TMEM61: variants seen among roughly 807,000 people sequenced by gnomAD.
TMEM61 encodes transmembrane protein 61.
TMEM61 carries 13 observed loss-of-function variants against 12.0 expected under a neutral mutation model. The observed-to-expected ratio is 1.08, with a 90% CI of 0.70 to 1.72. TMEM61 has a LOEUF of 1.72. Among genes scored for constraint, TMEM61 ranks in the 40% most tolerant of loss-of-function variants. TMEM61 has a pLI of 0.00. For missense variants in TMEM61, 249 were observed against 276.9 expected (o/e 0.90, Z 0.71); for synonymous variants, 109 against 121.4 (o/e 0.90, Z 0.67).
chr1:54,981,075 C>A lies in TMEM61; in HGVS notation c.10C>A (p.Pro4Thr). The A allele has an allele frequency of 6.3e-7, 1 of 1,587,926 alleles. No homozygotes were observed. Among genetic ancestry groups the A allele is most frequent in the Admixed American group, 1.8e-5 (1 of 56,994 alleles). Residue 4 changes from proline to threonine, a missense_variant, in exon 1 of 3, where the codon CCC becomes ACC. Coordinates refer to ENST00000371268, the MANE Select transcript of TMEM61 (RefSeq NM_182532.3). ...TGCTGCCCGCCTCCCGATGGCCCTG[C>A]CCCAGGTGGGTGGAAACGGCCTTCT... MAL[P>T]QMCDGSHLAS...
rs1263466288 is a variant in TMEM61 at position 54,991,901 on chromosome 1, C to A, written c.431C>A (p.Pro144His). The A allele has an allele frequency of 1.9e-6, 3 of 1,614,176 alleles. No homozygotes were observed. Among genetic ancestry groups the A allele is most frequent in the Non-Finnish European group, 1.7e-6 (2 of 1,180,028 alleles). Residue 144 changes from proline to histidine, a missense_variant, in exon 3 of 3, where the codon CCC becomes CAC. Transcript: ENST00000371268. ...GTGAGCTTCCCAGTGGCCGAGGGGCCCCCAACACCACCTGCATACCCTACG... is the reference window on the plus strand; with the variant it reads ...GTGAGCTTCCCAGTGGCCGAGGGGCACCCAACACCACCTGCATACCCTACG... ...EAVSFPVAEGPPTPPAYPTEE... is the reference protein window; with the variant it reads ...EAVSFPVAEGHPTPPAYPTEE...
At chr1:54,990,089 T>A (rs1161152817) in intron 2 of TMEM61, among the ~76,000 whole-genome samples, 2 of 152,096 alleles carry the variant, frequency 1.3e-5, no homozygotes, top group Non-Finnish European at 2.9e-5. Flanking sequence ...GGAGGAATAT[T>A]CTCTGTCCTG....
At position 54,983,109 on chromosome 1, in the gene TMEM61, G is replaced by GTTTTTTTTTTTTTTTTTTTTT. The variant is rs780127208; in HGVS notation, c.15+2041_15+2042insTTTTTTTTTTTTTTTTTTTTT. Among the ~76,000 whole-genome samples, 7 of 109,542 alleles carry GTTTTTTTTTTTTTTTTTTTTT rather than the reference G, an allele frequency of 6.4e-5. 1 individual carries two copies. Among genetic ancestry groups the GTTTTTTTTTTTTTTTTTTTTT allele is most frequent in the South Asian group, 3.1e-4 (1 of 3,262 alleles). The allele number at this position is 109,542 out of a possible 152,430, so 71.9% of individuals were successfully genotyped here. On this transcript the variant is annotated intron_variant, in intron 1 of 2. Coordinates refer to ENST00000371268, the MANE Select transcript of TMEM61 (RefSeq NM_182532.3). ...TTAGTGGTGATTTGTGTTTTGCTTTGTTTTTTTTTTTTGTTTTTTTTTGAG... is the reference window on the plus strand; with the variant it reads ...TTAGTGGTGATTTGTGTTTTGCTTTGTTTTTTTTTTTTTTTTTTTTTTTTTTTTTTTTTGTTTTTTTTTGAG...
chr1:54,986,573 C>T, intron 2 of TMEM61, 127 bp downstream of exon 2: 6 of 847,900 alleles, frequency 7.1e-6, no homozygotes, highest in Non-Finnish European at 9.0e-6. Context: ...CAGGCTTTGC[C>T]CTGTGTCCTG....
At chr1:54,985,362 G>C (rs547570681) in intron 1 of TMEM61, among the ~76,000 whole-genome samples, 1 of 152,072 alleles carries the variant, frequency 6.6e-6, no homozygotes, top group Non-Finnish European at 1.5e-5. Context: ...TCAGCCTCCC[G>C]AGTAGCTGGG....
Position 54,992,014 on chromosome 1 carries a change from C to G in TMEM61, c.544C>G (p.Leu182Val), listed in dbSNP as rs200157923. 84 of 1,614,140 alleles carry G rather than the reference C, an allele frequency of 5.2e-5. No individual in the cohort carries two copies. The African/African-American group carries it at 1.0e-3, about 20-fold the overall frequency. The change falls in exon 3 of 3, where the codon CTT becomes GTT. Residue 182 changes from leucine to valine, a missense_variant. Transcript: ENST00000371268. ...TCCACCCAGCTATGAGAGCATCAGC[C>G]TTGCTCTTGATGCCGTTTCTGCGGA... is the stretch of plus-strand genomic sequence containing the variant. The part of the protein sequence containing the change: ...WPPPSYESIS[L>V]ALDAVSAETT...
At position 54,986,171 on chromosome 1, in the gene TMEM61, C is replaced by T. The variant is rs577669886; in HGVS notation, c.90C>T (p.Ala30=). 119 of 1,613,220 alleles carry T rather than the reference C, an allele frequency of 7.4e-5. No individual in the cohort carries two copies. The South Asian group carries it at 1.1e-3, about 15-fold the overall frequency. ...TCAGCGGCACAGTGGTTCTGGTGGCCGGGACGCTCTGCTTCGCTTGGTGGA... is the reference window on the plus strand; with the variant it reads ...TCAGCGGCACAGTGGTTCTGGTGGCTGGGACGCTCTGCTTCGCTTGGTGGA... ...MTVSGTVVLV[A]GTLCFAWWSE... is the part of the protein sequence containing the mutation. Residue 30 remains alanine (A), a synonymous_variant, in exon 2 of 3, where the codon GCC becomes GCT. Transcript: ENST00000371268.
chr1:54,987,321 C>T (rs1644267449), intron 2 of TMEM61, among the ~76,000 whole-genome samples: 1 of 152,132 alleles, frequency 6.6e-6, no homozygotes, highest in Admixed American at 6.5e-5. Flanking sequence ...AGAGCATGCA[C>T]AAAGGTATGG....
intron 2 of TMEM61, among the ~76,000 whole-genome samples, chr1:54,989,223 C>G (rs553889330): frequency 3.2e-4 from 48 of 152,306 alleles, no homozygotes; most frequent in Middle Eastern, 6.8e-3. Context: ...GATAGGTGGA[C>G]TTAGCTTGAG....
intron 1 of TMEM61, among the ~76,000 whole-genome samples, chr1:54,981,682 G>C (rs1344325209): frequency 6.6e-6 from 1 of 152,174 alleles, no homozygotes; most frequent in Non-Finnish European, 1.5e-5. Flanking sequence ...GAATGGCATG[G>C]CGTTCCATCC....
At chr1:54,983,673 G>A (rs138350155) in intron 1 of TMEM61, among the ~76,000 whole-genome samples, 2 of 152,262 alleles carry the variant, frequency 1.3e-5, no homozygotes, top group Non-Finnish European at 2.9e-5. Context: ...GGAGGCAGGT[G>A]CGATGCTAGG....
At position 54,980,894 on chromosome 1, in the gene TMEM61, G is replaced by A; in HGVS notation, c.-172G>A. Reference sequence around the variant, plus strand: ...CCAGACCTCGGTTTTGCGGGCTGGGGAGCAGGGCTCGGGGGCAGCGGCCAG... The same window carrying A: ...CCAGACCTCGGTTTTGCGGGCTGGGAAGCAGGGCTCGGGGGCAGCGGCCAG... On this transcript the variant is annotated 5_prime_UTR_variant, in exon 1 of 3. Coordinates refer to ENST00000371268, the MANE Select transcript of TMEM61 (RefSeq NM_182532.3). 4.9e-6 allele frequency: 3 copies of A among 617,066 alleles called. No individual in the cohort carries two copies. The highest frequency in any genetic ancestry group is 7.6e-6 in the Non-Finnish European group (3 of 394,648). 38.2% of individuals were successfully genotyped at this position (617,066 alleles called of 1,614,324 possible).
At chr1:54,984,804 G>T (rs1184313957) in intron 1 of TMEM61, among the ~76,000 whole-genome samples, 1 of 152,186 alleles carries the variant, frequency 6.6e-6, no homozygotes, top group Non-Finnish European at 1.5e-5. Context: ...TGGTGAGGCT[G>T]AGCTGAGCCT....
Position 54,988,602 on chromosome 1 carries a change from C to T in TMEM61, c.365+2156C>T, listed in dbSNP as rs543984862. Among the ~76,000 whole-genome samples, 4 of 152,366 alleles carry T rather than the reference C, an allele frequency of 2.6e-5. No homozygotes were observed. In the South Asian group the frequency reaches 8.3e-4, roughly 32 times the overall value. On this transcript the variant is annotated intron_variant, in intron 2 of 2. Transcript: ENST00000371268. ...CCAGGCACCTCAGTCTCTGGTGGTGCCCGCTGTGGGTAACTCTAGGTCAGA... is the reference window on the plus strand; with the variant it reads ...CCAGGCACCTCAGTCTCTGGTGGTGTCCGCTGTGGGTAACTCTAGGTCAGA...
At position 54,986,394 on chromosome 1, in the gene TMEM61, T is replaced by C; in HGVS notation, c.313T>C (p.Ser105Pro). ...GPPRWDPYHL[S>P]RDLYYLTVES... ...ACCTCGATGGGACCCCTATCACCTC[T>C]CCAGAGACCTGTACTACCTCACTGT... Residue 105 changes from serine (S) to proline (P), a missense_variant, in exon 2 of 3, where the codon TCC (serine) becomes CCC (proline). Ser to Pro is a moderately conservative substitution (Grantham distance 74). Transcript: ENST00000371268. 6.2e-7 allele frequency: 1 copy of C among 1,609,246 alleles called. No individual in the cohort carries two copies.
chr1:54,982,876 C>A lies in TMEM61; in HGVS notation c.15+1796C>A, dbSNP rs531818178. On this transcript the variant is annotated intron_variant, in intron 1 of 2. Transcript: ENST00000371268. ...TGTGGAGAAATTGTCACCCTAGTGG[C>A]CACAGTGTCTTTAGGACACAGTGCT... Among the ~76,000 whole-genome samples, 13 of 152,212 alleles carry A rather than the reference C, an allele frequency of 8.5e-5. No individual in the cohort carries two copies. In the South Asian group the frequency reaches 1.7e-3, roughly 19 times the overall value.
In TMEM61 at chr1:54,992,089, C is replaced by T. The variant is rs77726087; in HGVS notation, c.619C>T (p.Arg207Trp). 16,017 of 1,612,088 alleles carry T rather than the reference C, an allele frequency of 9.9e-3. 638 individuals carry two copies. In the South Asian group the frequency reaches 0.11, roughly 11 times the overall value. The change falls in exon 3 of 3, where the codon CGG becomes TGG. Residue 207 changes from arginine (R) to tryptophan (W), a missense_variant. By Grantham distance (101) the Arg-to-Trp change is moderately radical. Coordinates refer to ENST00000371268, the MANE Select transcript of TMEM61 (RefSeq NM_182532.3). ...CTGCTCAGGCCTGGTTCAGACTGCA[C>T]GGGGAGGAAGTTAAAGGCTCCTAGC... ...RSCSGLVQTA[R>W]GGS
At chr1:54,981,415 C>G (rs1363016645) in intron 1 of TMEM61, among the ~76,000 whole-genome samples, 1 of 152,108 alleles carries the variant, frequency 6.6e-6, no homozygotes, top group Non-Finnish European at 1.5e-5. Context: ...GTCAGGAGTT[C>G]GAGACCAGCC....
At chr1:54,988,988 A>G (rs970028372) in intron 2 of TMEM61, among the ~76,000 whole-genome samples, 1 of 152,156 alleles carries the variant, frequency 6.6e-6, no homozygotes, top group African/African-American at 2.4e-5. Context: ...CCTTTTCCCT[A>G]TCATCGCTGT....
Sources: gnomAD v4.1 joint callset for allele counts (sites outside exome capture counted in the v4.1 genomes callset) on GRCh38, gnomAD v4.1.1 for gene constraint, MANE v1.5 for transcripts, NCBI Gene and HGNC (gene_info 2026-07-23, HGNC 2026-07-21) for gene names.